The following CERT1 variants were observed in gnomAD, a reference collection of about 807,000 sequenced individuals.
CERT1 encodes the protein ceramide transfer protein.
A neutral mutation model predicts 87.9 loss-of-function variants in CERT1; 31 were observed. The observed-to-expected ratio is 0.35, with a 90% CI of 0.27 to 0.48. CERT1 has a LOEUF of 0.48. CERT1 is among the 20% of genes least tolerant of loss of function. CERT1 has a pLI of 0.99. For synonymous variants in CERT1, 289 were observed against 250.9 expected (o/e 1.15, Z -1.44); for missense variants, 487 against 758.0 (o/e 0.64, Z 4.20).
intron 2 of CERT1, among the ~76,000 whole-genome samples, chr5:75,490,097 C>G (rs145627667): frequency 6.6e-6 from 1 of 152,218 alleles, no homozygotes; most frequent in Non-Finnish European, 1.5e-5. Context: ...AACACAGGAA[C>G]AGAAAACCAA....
At chr5:75,412,273 G>A (rs936754079) in intron 7 of CERT1, among the ~76,000 whole-genome samples, 1 of 152,084 alleles carries the variant, frequency 6.6e-6, no homozygotes, top group African/African-American at 2.4e-5. Flanking sequence ...ACTTTTGAAA[G>A]CGAAAGGGAA....
chr5:75,392,752 A>C (rs949422864), intron 11 of CERT1, among the ~76,000 whole-genome samples: 1 of 151,830 alleles, frequency 6.6e-6, no homozygotes, highest in African/African-American at 2.4e-5. Flanking sequence ...GGCAGATCAC[A>C]AGGTCAGGAG....
intron 6 of CERT1, among the ~76,000 whole-genome samples, chr5:75,418,088 G>A (rs1333243452): frequency 1.3e-5 from 2 of 152,174 alleles, no homozygotes; most frequent in Non-Finnish European, 2.9e-5. Context: ...ACCGGGAGGT[G>A]GAGGTTGCGG....
intron 2 of CERT1, 99 bp downstream of exon 2, chr5:75,505,883 T>C (rs1167729144): frequency 1.1e-6 from 1 of 872,432 alleles, no homozygotes; most frequent in Non-Finnish European, 1.8e-6. Context: ...CAAGGATCTT[T>C]ATCTTATCCA....
chr5:75,385,965 CT>C lies in CERT1; in HGVS notation c.1353del (p.Gly452AlafsTer24). The part of the protein sequence containing the change: ...LDPLKATHAV[K>X]GVTGHEVCNY... ...TTGCAGACTTCATGTCCTGTGACGC[CT>C]TTAACTGCATGGGTAGCTTTTAAAG... On this transcript the variant is annotated frameshift_variant, in exon 13 of 17. Transcript: ENST00000643780. LOFTEE classifies it high-confidence loss of function. The C allele has an allele frequency of 6.3e-7, 1 of 1,597,614 alleles. No individual in the cohort carries two copies. Among genetic ancestry groups the C allele is most frequent in the South Asian group, 1.1e-5 (1 of 87,632 alleles).
At chr5:75,390,880 T>C (rs1253503327) in intron 11 of CERT1, among the ~76,000 whole-genome samples, 1 of 152,188 alleles carries the variant, frequency 6.6e-6, no homozygotes, top group Non-Finnish European at 1.5e-5. Flanking sequence ...CATAACTCAC[T>C]GTAATCTTGA....
chr5:75,445,823 T>C (rs1764511527), intron 3 of CERT1, among the ~76,000 whole-genome samples: 1 of 152,210 alleles, frequency 6.6e-6, no homozygotes, highest in African/African-American at 2.4e-5. Flanking sequence ...TGGTTGACAG[T>C]TCTTTCCTTT....
At position 75,475,937 on chromosome 5, in the gene CERT1, T is replaced by C. The variant is rs1001389151; in HGVS notation, c.232-16756A>G. On this transcript the variant is annotated intron_variant, in intron 2 of 16. Transcript: ENST00000643780. ...GGACAGAATGTGATAATCCACATTT[T>C]GCATGTGCAAATAGTGAAAACATTT... 2.0e-5 allele frequency among the ~76,000 whole-genome samples: 3 copies of C among 152,222 alleles called. No homozygotes were observed. In the East Asian group the frequency reaches 5.8e-4, roughly 29 times the overall value.
At chr5:75,374,202 A>G, downstream of CERT1, 2 of 342,406 alleles carry the variant, frequency 5.8e-6, no homozygotes, top group Non-Finnish European at 5.2e-6. Flanking sequence ...CTGAAGGAAA[A>G]AAAAAAAAAA....
chr5:75,457,704 AAAG>A (rs990257404), intron 3 of CERT1, among the ~76,000 whole-genome samples: 1 of 152,052 alleles, frequency 6.6e-6, no homozygotes, highest in Admixed American at 6.5e-5. Context: ...TACGATTGAT[AAAG>A]AAGTATGCAA....
chr5:75,415,314 A>G (rs1309890233), intron 7 of CERT1, among the ~76,000 whole-genome samples: 3 of 152,218 alleles, frequency 2.0e-5, no homozygotes, highest in African/African-American at 7.2e-5. Flanking sequence ...AAAACACAGT[A>G]GTGTCCAGAT....
intron 8 of CERT1, among the ~76,000 whole-genome samples, chr5:75,410,363 A>G (rs929321651): frequency 6.6e-6 from 1 of 152,116 alleles, no homozygotes; most frequent in Non-Finnish European, 1.5e-5. Flanking sequence ...TAATGCCAGC[A>G]CTTTGGGAGG....
At chr5:75,370,896 G>A (rs1341231486) in intron 17 of CERT1, 1 of 147,914 alleles carries the variant, frequency 6.8e-6, no homozygotes, top group Non-Finnish European at 1.5e-5. Flanking sequence ...AGGTTGCAGT[G>A]AGCCAAGATC....
intron 1 of CERT1, 107 bp from the exon 2 acceptor site, chr5:75,506,223 A>G: frequency 9.7e-7 from 1 of 1,029,506 alleles, no homozygotes; most frequent in East Asian, 2.6e-5. Context: ...CAAAACGTGA[A>G]AAGTCCAACT....
chr5:75,479,366 G>C (rs1766121905), intron 2 of CERT1, among the ~76,000 whole-genome samples: 1 of 151,948 alleles, frequency 6.6e-6, no homozygotes, highest in South Asian at 2.1e-4. Context: ...TTACCACAGG[G>C]GTTTGCTGTA....
intron 6 of CERT1, 92 bp downstream of exon 6, chr5:75,419,249 A>T (rs958959304): frequency 1.1e-5 from 9 of 808,028 alleles, no homozygotes; most frequent in African/African-American, 1.1e-4. Flanking sequence ...ACTGCTTTTT[A>T]AAAAATTAAT....
At chr5:75,501,469 A>C (rs968221374) in intron 2 of CERT1, among the ~76,000 whole-genome samples, 2 of 152,246 alleles carry the variant, frequency 1.3e-5, no homozygotes, top group Non-Finnish European at 2.9e-5. Flanking sequence ...GTGAGACATG[A>C]AACTACAGAA....
intron 2 of CERT1, among the ~76,000 whole-genome samples, chr5:75,462,762 G>A (rs185769703): frequency 4.9e-4 from 74 of 152,146 alleles, no homozygotes; most frequent in African/African-American, 1.6e-3. Context: ...TGGGAGGCGA[G>A]GTGGGTGGAT....
At chr5:75,419,053 T>G (rs1763262558) in intron 6 of CERT1, among the ~76,000 whole-genome samples, 1 of 152,146 alleles carries the variant, frequency 6.6e-6, no homozygotes, top group African/African-American at 2.4e-5. Flanking sequence ...AAATAAACCC[T>G]CGCATTTACA....
Sources: allele counts gnomAD v4.1 joint callset (sites outside exome capture counted in the v4.1 genomes callset), GRCh38; gene constraint gnomAD v4.1.1; transcripts MANE v1.5; gene names NCBI Gene and HGNC (gene_info 2026-07-23, HGNC 2026-07-21).